FSTL3: variants seen among roughly 807,000 people sequenced by gnomAD.
FSTL3 encodes follistatin like 3.
FSTL3 carries 21 observed loss-of-function variants against 28.1 expected under a neutral mutation model. The observed-to-expected ratio is 0.75, with a 90% confidence interval of 0.53 to 1.08. The LOEUF (loss-of-function observed/expected upper bound fraction) is 1.08. Ranked by LOEUF, FSTL3 falls within the 50% of genes least tolerant of loss-of-function variation. The pLI is 0.00. For missense variants in FSTL3, 400 were observed against 380.9 expected (o/e 1.05, Z -0.42); for synonymous variants, 199 against 164.2 (o/e 1.21, Z -1.62).
rs551892719 is a variant in FSTL3, at chr19:677,000, G to C, written c.103+474G>C. 3.3e-5 allele frequency among the ~76,000 whole-genome samples: 5 copies of C among 152,218 alleles called. No homozygotes were observed. The South Asian group carries it at 1.0e-3, about 32-fold the overall frequency. On this transcript the variant is annotated intron_variant, in intron 1 of 4. Transcript: ENST00000166139. ...GACGGGGCATGGAGTCTCACACCTG[G>C]GACTTGCCGGGAGGTGCCAGGCAGG...
At chr19:676,610 C>CGCGGCG (rs534552077) in intron 1 of FSTL3, 84 bp downstream of exon 1, 4,435 of 382,630 alleles carry the variant, frequency 0.012, 60 homozygotes, top group South Asian at 0.018. Context: ...CGTCGGGGGG[C>CGCGGCG]GCGGCGGCGG....
chr19:678,210 G>A (rs904170337), intron 2 of FSTL3: 22 of 539,568 alleles, frequency 4.1e-5, no homozygotes, highest in Non-Finnish European at 6.2e-5. Context: ...CCTTTGCTGG[G>A]GCTGAGCTCT....
chr19:681,635 T>C lies in FSTL3; in HGVS notation c.734-15T>C. On this transcript the variant is annotated splice_polypyrimidine_tract_variant and intron_variant, in intron 4 of 4. Transcript: ENST00000166139. ...CCCTGCCCTGCGCCCTCAATGCTCT[T>C]ATCGACCCTTGCAGGCACCCCTGAG... The C allele has an allele frequency of 6.3e-7, 1 of 1,585,942 alleles. No homozygotes were observed. The highest frequency in any genetic ancestry group is 8.6e-7 in the Non-Finnish European group (1 of 1,166,328).
intron 2 of FSTL3, chr19:680,006 C>A (rs902828627): frequency 1.4e-5 from 3 of 208,622 alleles, no homozygotes; most frequent in East Asian, 1.2e-4. Context: ...CAGAGACCCC[C>A]CCCCGCCCCG....
rs1284922906 is a variant in FSTL3, at chr19:682,192, G to A, written c.*484G>A. 1 of 314,246 alleles carries A rather than the reference G, an allele frequency of 3.2e-6. No homozygotes were observed. Among genetic ancestry groups the A allele is most frequent in the Non-Finnish European group, 6.1e-6 (1 of 164,432 alleles). The allele number at this position is 314,246 out of a possible 1,614,324, so 19.5% of individuals were successfully genotyped here. Reference sequence around the variant, plus strand: ...AGCCTGGGTGAGTACGGAGGGTCTAGCCTGGGTGAGTACGGAGGGTCTAGC... The same window carrying A: ...AGCCTGGGTGAGTACGGAGGGTCTAACCTGGGTGAGTACGGAGGGTCTAGC... On this transcript the variant is annotated 3_prime_UTR_variant, in exon 5 of 5. Coordinates refer to ENST00000166139, the MANE Select transcript of FSTL3 (RefSeq NM_005860.3).
At position 682,368 on chromosome 19, in the gene FSTL3, G is replaced by A. The variant is rs1460949612; in HGVS notation, c.*660G>A. On this transcript the variant is annotated 3_prime_UTR_variant, in exon 5 of 5. Transcript: ENST00000166139. ...TGAGTATGGAGGGTCTAGCCTGGGT[G>A]TGTATGGAGGGTCTAGCCTGGGTGA... 4.2e-6 allele frequency: 1 copy of A among 240,084 alleles called. No homozygotes were observed. Among genetic ancestry groups the A allele is most frequent in the African/African-American group, 2.3e-5 (1 of 43,612 alleles). The allele number at this position is 240,084 out of a possible 1,614,324, so 14.9% of individuals were successfully genotyped here. A position where few individuals can be genotyped will look rare whatever the true frequency, so the allele number is the denominator to read the frequency against.
At chr19:680,006 C>CCCCG (rs1555683201) in intron 2 of FSTL3, 4 of 208,622 alleles carry the variant, frequency 1.9e-5, no homozygotes, top group Non-Finnish European at 1.8e-5. Flanking sequence ...CAGAGACCCC[C>CCCCG]CCCCGCCCCG....
chr19:681,294 G>A (rs2031327505), intron 3 of FSTL3, 39 bp from the exon 4 acceptor site: 1 of 1,423,552 alleles, frequency 7.0e-7, no homozygotes, highest in Non-Finnish European at 9.4e-7. Flanking sequence ...GGTTCTCAGC[G>A]AGATGTCCCC....
Position 681,786 on chromosome 19 carries a change from T to C in FSTL3, c.*78T>C. On this transcript the variant is annotated 3_prime_UTR_variant, in exon 5 of 5. Coordinates refer to ENST00000166139, the MANE Select transcript of FSTL3 (RefSeq NM_005860.3). Reference sequence around the variant, plus strand: ...TATTTATTGCCACAGCAGAGTCTAATTTATATGCCACGGACACTCCTTAGA... The same window carrying C: ...TATTTATTGCCACAGCAGAGTCTAACTTATATGCCACGGACACTCCTTAGA... 8.0e-7 allele frequency: 1 copy of C among 1,249,164 alleles called. No individual in the cohort carries two copies. The highest frequency in any genetic ancestry group is 2.5e-5 in the East Asian group (1 of 39,492). 77.4% of individuals were successfully genotyped at this position (1,249,164 alleles called of 1,614,324 possible). A position where few individuals can be genotyped will look rare whatever the true frequency, so the allele number is the denominator to read the frequency against.
Position 682,155 on chromosome 19 carries a change from T to C in FSTL3, c.*447T>C. ...GTACGGAGGGTCTAGCCTGGGTGTG[T>C]ACGGAGGGTCTAGCCTGGGTGAGTA... is the stretch of plus-strand genomic sequence containing the variant. On this transcript the variant is annotated 3_prime_UTR_variant, in exon 5 of 5. Coordinates refer to ENST00000166139, the MANE Select transcript of FSTL3 (RefSeq NM_005860.3). 2.9e-6 allele frequency: 1 copy of C among 350,406 alleles called. No individual in the cohort carries two copies. 21.7% of individuals were successfully genotyped at this position (350,406 alleles called of 1,614,324 possible).
intron 3 of FSTL3, 82 bp downstream of exon 3, chr19:680,571 A>C (rs1320448267): frequency 1.3e-5 from 4 of 317,454 alleles, no homozygotes; most frequent in East Asian, 1.8e-4. Context: ...CTGCCGCAGT[A>C]GGCGGGGGCG....
intron 2 of FSTL3, among the ~76,000 whole-genome samples, chr19:678,392 C>T (rs1230507632): frequency 1.3e-5 from 2 of 152,116 alleles, no homozygotes; most frequent in Non-Finnish European, 2.9e-5. Flanking sequence ...CAAGCATTTG[C>T]CTCGGGACCC....
At chr19:678,074 C>A (rs111240598) in intron 2 of FSTL3, 97 bp downstream of exon 2, 2 of 1,180,838 alleles carry the variant, frequency 1.7e-6, no homozygotes, top group East Asian at 2.4e-5. Context: ...GGACTGAGCC[C>A]GTCACAGGGG....
At chr19:680,771 C>T (rs1028054184) in intron 3 of FSTL3, 3 of 331,226 alleles carry the variant, frequency 9.1e-6, no homozygotes, top group Admixed American at 4.8e-5. Flanking sequence ...GCGGTGGGGC[C>T]TGAGTAAGGG....
chr19:680,738 G>A (rs1335540284), intron 3 of FSTL3: 4 of 362,300 alleles, frequency 1.1e-5, no homozygotes, highest in Non-Finnish European at 2.0e-5. Context: ...GGGGCCTCCA[G>A]CCCAGGACAG....
At chr19:679,636 G>C (rs2031282379) in intron 2 of FSTL3, among the ~76,000 whole-genome samples, 1 of 152,230 alleles carries the variant, frequency 6.6e-6, no homozygotes, top group African/African-American at 2.4e-5. Context: ...CATTCACATT[G>C]AAAGCGGGGG....
chr19:681,057 G>A (rs1162384581), intron 3 of FSTL3, among the ~76,000 whole-genome samples: 1 of 151,338 alleles, frequency 6.6e-6, no homozygotes, highest in Non-Finnish European at 1.5e-5. Context: ...TGGGTGGGCG[G>A]CCCCGCAGTC....
At chr19:677,709 C>A in intron 1 of FSTL3, 83 bp from the exon 2 acceptor site, 1 of 1,334,930 alleles carries the variant, frequency 7.5e-7, no homozygotes, top group Non-Finnish European at 1.0e-6. Flanking sequence ...AACTACTCAG[C>A]ACCACCTGCA....
chr19:679,527 G>A (rs1020065444), intron 2 of FSTL3, among the ~76,000 whole-genome samples: 4 of 152,242 alleles, frequency 2.6e-5, no homozygotes, highest in African/African-American at 9.6e-5. Context: ...TCAAACTGAG[G>A]TGCTTGGGCC....
Sources: allele counts gnomAD v4.1 joint callset (sites outside exome capture counted in the v4.1 genomes callset), GRCh38; gene constraint gnomAD v4.1.1; transcripts MANE v1.5; gene names NCBI Gene and HGNC (gene_info 2026-07-23, HGNC 2026-07-21).